Variants in BIN1 observed in about 807,000 individuals in gnomAD.
BIN1 encodes myc box-dependent-interacting protein 1.
Under a neutral mutation model 82.0 loss-of-function variants are expected in BIN1, and 53 were observed. The ratio of observed to expected loss-of-function variants is 0.65; its 90% CI spans 0.52 to 0.81. The LOEUF (loss-of-function observed/expected upper bound fraction) is 0.81, where lower values mean the gene tolerates loss of function less well. Among genes scored for constraint, BIN1 ranks in the 40% least tolerant of loss-of-function variants. The probability of loss-of-function intolerance (pLI) is 0.00; values close to 1 mark genes in which losing one functional copy is unlikely to be tolerated. For missense variants in BIN1, 642 were observed against 784.4 expected (o/e 0.82, Z 2.17); for synonymous variants, 302 against 328.0 (o/e 0.92, Z 0.86).
rs1468015533 is a variant in BIN1 at position 127,068,592 on chromosome 2, T to G, written c.519+332A>C. ...CTGGCTCGCTCCAGCCAGGGACAGG[T>G]CGCCTGGGATCGCGTGACGAATTCC... is the stretch of plus-strand genomic sequence containing the variant. On this transcript the variant is annotated intron_variant, in intron 6 of 18. Coordinates refer to ENST00000316724, the MANE Select transcript of BIN1 (RefSeq NM_139343.3). This position sits in a 1 kb window ranked among gnomAD's most constrained non-coding sequence, Gnocchi z 4.9. Among the ~76,000 whole-genome samples, 1 of 152,080 alleles carries G rather than the reference T, an allele frequency of 6.6e-6. No individual in the cohort carries two copies. The highest frequency in any genetic ancestry group is 6.5e-5 in the Admixed American group (1 of 15,286).
rs571924463 is a variant in BIN1 at position 127,054,131 on chromosome 2, C to T, written c.1132-119G>A. On this transcript the variant is annotated intron_variant, in intron 12 of 18. Transcript: ENST00000316724. ...TGGACACACACACATACACACACCA[C>T]GCATGCAGAGCAAGCGCACATACAC... 5.8e-4 allele frequency: 463 copies of T among 797,658 alleles called. 3 individuals are homozygous for T. The African/African-American group carries it at 7.2e-3, about 12-fold the overall frequency. 49.4% of individuals were successfully genotyped at this position (797,658 alleles called of 1,614,324 possible).
At chr2:127,076,581 C>T (rs1439066279) in intron 2 of BIN1, 45 bp downstream of exon 2, 9 of 1,611,012 alleles carry the variant, frequency 5.6e-6, no homozygotes, top group South Asian at 2.2e-5. Context: ...ACCTGGCAGC[C>T]GAATTTTCAC....
At chr2:127,094,295 T>A (rs185862972) in intron 1 of BIN1, among the ~76,000 whole-genome samples, 92 of 152,314 alleles carry the variant, frequency 6.0e-4, no homozygotes, top group African/African-American at 2.1e-3. Flanking sequence ...TGCAAAGCCT[T>A]ATACAAAGGC....
chr2:127,062,005 C>A, intron 10 of BIN1, 110 bp downstream of exon 10: 1 of 1,340,440 alleles, frequency 7.5e-7, no homozygotes, highest in Non-Finnish European at 1.0e-6. Flanking sequence ...CCCTAGACCC[C>A]CAAGGCCAAA....
chr2:127,068,999 C>A lies in BIN1; in HGVS notation c.444G>T (p.Val148=). ...SRIAKRGRKL[V]DYDSARHHYE... is the part of the protein sequence containing the mutation. ...AGTGGTGCCGGGCACTGTCGTAGTCCACCAGCTTGCGCCCCCGCTTGGCAA... is the reference window on the plus strand; with the variant it reads ...AGTGGTGCCGGGCACTGTCGTAGTCAACCAGCTTGCGCCCCCGCTTGGCAA... The change falls in exon 6 of 19, where the codon GTG becomes GTT. Residue 148 remains valine, a synonymous_variant. Transcript: ENST00000316724. The surrounding 1 kb of genome is among the most constrained non-coding windows in gnomAD (Gnocchi z 4.9). 1 of 1,614,182 alleles carries A rather than the reference C, an allele frequency of 6.2e-7. No homozygotes were observed. Among genetic ancestry groups the A allele is most frequent in the Non-Finnish European group, 8.5e-7 (1 of 1,180,030 alleles).
chr2:127,074,197 T>C (rs1293284818), intron 2 of BIN1, among the ~76,000 whole-genome samples: 1 of 152,050 alleles, frequency 6.6e-6, no homozygotes, highest in Non-Finnish European at 1.5e-5. Flanking sequence ...CTCTCTCTCC[T>C]TTCCCAGGGC....
At position 127,093,898 on chromosome 2, in the gene BIN1, C is replaced by T. The variant is rs1337642879; in HGVS notation, c.84+12962G>A. Among the ~76,000 whole-genome samples the T allele has an allele frequency of 6.6e-6, 1 of 152,212 alleles. No homozygotes were observed. The highest frequency in any genetic ancestry group is 2.4e-5 in the African/African-American group (1 of 41,448). On this transcript the variant is annotated intron_variant, in intron 1 of 18. Transcript: ENST00000316724. The surrounding 1 kb of genome is among the most constrained non-coding windows in gnomAD (Gnocchi z 5.7). ...CTGAGCTAGGCCTGGACTCCCTGGACTCCTCCAGTGCTGGGGGCCCCAGGC... is the reference window on the plus strand; with the variant it reads ...CTGAGCTAGGCCTGGACTCCCTGGATTCCTCCAGTGCTGGGGGCCCCAGGC...
At chr2:127,078,834 C>T (rs1243006189) in intron 1 of BIN1, among the ~76,000 whole-genome samples, 1 of 152,096 alleles carries the variant, frequency 6.6e-6, no homozygotes, top group East Asian at 1.9e-4. Context: ...GACTCAGCCC[C>T]TCTGCTCAGG....
intron 4 of BIN1, among the ~76,000 whole-genome samples, 199 bp downstream of exon 4, chr2:127,070,354 C>T (rs1434110110): frequency 6.6e-6 from 1 of 152,224 alleles, no homozygotes; most frequent in Non-Finnish European, 1.5e-5. Context: ...ACGACCACGA[C>T]CCACCATCTG....
chr2:127,068,622 G>A lies in BIN1; in HGVS notation c.519+302C>T, dbSNP rs572214628. Among the ~76,000 whole-genome samples, 9 of 152,320 alleles carry A rather than the reference G, an allele frequency of 5.9e-5. No individual in the cohort carries two copies. The highest frequency in any genetic ancestry group is 2.0e-4 in the Admixed American group (3 of 15,314). On this transcript the variant is annotated intron_variant, in intron 6 of 18. Transcript: ENST00000316724. This position sits in a 1 kb window ranked among gnomAD's most constrained non-coding sequence, Gnocchi z 4.9. The stretch of plus-strand genomic sequence containing the variant: ...TGGGATCGCGTGACGAATTCCACCC[G>A]GCTCGCCAGGCAGGGCGGCGCCGTT...
chr2:127,101,434 G>A (rs56405130), intron 1 of BIN1, among the ~76,000 whole-genome samples: 19,453 of 152,062 alleles, frequency 0.13, 1,597 homozygotes, highest in Non-Finnish European at 0.18. Context: ...CACTCCTCCC[G>A]CACGGGACAC....
intron 1 of BIN1, among the ~76,000 whole-genome samples, chr2:127,088,146 G>A (rs960879961): frequency 1.3e-5 from 2 of 152,186 alleles, no homozygotes; most frequent in Non-Finnish European, 1.5e-5. Flanking sequence ...TCACACTGTG[G>A]GTGAGCTGGC....
intron 1 of BIN1, among the ~76,000 whole-genome samples, chr2:127,098,338 T>G (rs1216057282): frequency 1.3e-5 from 2 of 152,114 alleles, no homozygotes; most frequent in East Asian, 1.9e-4. Flanking sequence ...CTGTGGCGGC[T>G]GCTGCAGCCA....
At chr2:127,076,827 A>T in intron 1 of BIN1, 121 bp from the exon 2 acceptor site, 1 of 1,147,100 alleles carries the variant, frequency 8.7e-7, no homozygotes, top group Non-Finnish European at 1.3e-6. Context: ...AACATCACCC[A>T]GCCCAGGGTG....
At chr2:127,098,335 G>A (rs550305523) in intron 1 of BIN1, among the ~76,000 whole-genome samples, 52 of 152,218 alleles carry the variant, frequency 3.4e-4, no homozygotes, top group Admixed American at 1.4e-3. Flanking sequence ...GTCCTGTGGC[G>A]GCTGCTGCAG....
rs1325830029 is a variant in BIN1 at position 127,090,210 on chromosome 2, A to C, written c.85-13504T>G. Among the ~76,000 whole-genome samples the C allele has an allele frequency of 2.0e-5, 3 of 152,204 alleles. No individual in the cohort carries two copies. The highest frequency in any genetic ancestry group is 4.4e-5 in the Non-Finnish European group (3 of 68,036). On this transcript the variant is annotated intron_variant, in intron 1 of 18. Transcript: ENST00000316724. This position sits in a 1 kb window ranked among gnomAD's most constrained non-coding sequence, Gnocchi z 6.4. Reference sequence around the variant, plus strand: ...CGCTGGGCCCCTTTGGGAAAAGGGTAAACCGACAAGAGGCCCCATGGAAAT... The same window carrying C: ...CGCTGGGCCCCTTTGGGAAAAGGGTCAACCGACAAGAGGCCCCATGGAAAT...
At chr2:127,076,593 A>C in intron 2 of BIN1, 33 bp downstream of exon 2, 2 of 1,613,516 alleles carry the variant, frequency 1.2e-6, no homozygotes, top group Non-Finnish European at 1.7e-6. Context: ...AATTTTCACA[A>C]ACTCCCTAAG....
chr2:127,094,266 T>C (rs771932769), intron 1 of BIN1, among the ~76,000 whole-genome samples: 7 of 152,234 alleles, frequency 4.6e-5, no homozygotes, highest in Admixed American at 2.6e-4. Context: ...TCCACCTTGC[T>C]GCATTGTGTA....
At chr2:127,060,516 G>C in intron 10 of BIN1, 1 of 1,595,174 alleles carries the variant, frequency 6.3e-7, no homozygotes, top group Non-Finnish European at 8.6e-7. Context: ...GTGGCACCTG[G>C]GAGCAGGGCG....
Sources: allele counts gnomAD v4.1 joint callset (sites outside exome capture counted in the v4.1 genomes callset), GRCh38; gene constraint gnomAD v4.1.1; non-coding constraint Gnocchi (gnomAD v3.1); transcripts MANE v1.5; gene names NCBI Gene and HGNC (gene_info 2026-07-23, HGNC 2026-07-21).